UNC13C: variants seen among roughly 807,000 people sequenced by gnomAD.
The protein encoded by UNC13C is protein unc-13 homolog C.
A neutral mutation model predicts 245.4 loss-of-function variants in UNC13C; 174 were observed. The ratio of observed to expected loss-of-function variants is 0.71; its 90% confidence interval spans 0.63 to 0.80. UNC13C has a LOEUF of 0.80. UNC13C is among the 30% of genes least tolerant of loss of function. The probability of loss-of-function intolerance (pLI) is 0.00; values close to 1 mark genes in which losing one functional copy is unlikely to be tolerated. For missense variants in UNC13C, 2,829 were observed against 2,602.9 expected, an observed-to-expected ratio of 1.09 and a Z score of -1.89; for synonymous variants, 992 against 895.1, an observed-to-expected ratio of 1.11 and a Z score of -1.93.
At chr15:54,597,580 G>A (rs990578253) in intron 30 of UNC13C, among the ~76,000 whole-genome samples, 2 of 152,186 alleles carry the variant, frequency 1.3e-5, no homozygotes, top group Non-Finnish European at 2.9e-5. Flanking sequence ...AAAGGGGCAA[G>A]AGAGTACCCG....
chr15:54,460,654 G>C (rs1394391150), intron 19 of UNC13C, among the ~76,000 whole-genome samples: 1 of 152,220 alleles, frequency 6.6e-6, no homozygotes, highest in African/African-American at 2.4e-5. Context: ...GCTCCCAAGA[G>C]TTTACGTCCT....
chr15:54,611,636 G>T (rs2947001), intron 30 of UNC13C: 2 of 151,970 alleles, frequency 1.3e-5, no homozygotes, highest in African/African-American at 4.8e-5. Context: ...CTTTGAAACC[G>T]CTATGATTGT....
At chr15:54,124,645 A>G (rs1019788274) in intron 2 of UNC13C, among the ~76,000 whole-genome samples, 16 of 128,432 alleles carry the variant, frequency 1.2e-4, no homozygotes, top group Admixed American at 6.3e-4. Context: ...AAGTCCAAAT[A>G]ATTGATTCTT....
At position 54,333,996 on chromosome 15, in the gene UNC13C, G is replaced by C. The variant is rs1596238877; in HGVS notation, c.4584+140G>C. 3 of 577,582 alleles carry C rather than the reference G, an allele frequency of 5.2e-6. No homozygotes were observed. The Admixed American group carries it at 8.7e-5, about 17-fold the overall frequency. The allele number at this position is 577,582 out of a possible 1,614,324, so 35.8% of individuals were successfully genotyped here. On this transcript the variant is annotated intron_variant, in intron 16 of 32. Coordinates refer to ENST00000260323, the MANE Select transcript of UNC13C (RefSeq NM_001080534.3). ...AGCTGTACTATCTTTGCCTGAACTCGATGAATCTTCCAATATAAGGTATAG... is the reference window on the plus strand; with the variant it reads ...AGCTGTACTATCTTTGCCTGAACTCCATGAATCTTCCAATATAAGGTATAG...
At chr15:54,405,096 C>T (rs1349689753) in intron 18 of UNC13C, among the ~76,000 whole-genome samples, 2 of 152,082 alleles carry the variant, frequency 1.3e-5, no homozygotes, top group Non-Finnish European at 2.9e-5. Flanking sequence ...ATTGAGTACT[C>T]ACTATGTGCC....
chr15:54,085,531 A>G (rs73419197), intron 2 of UNC13C, among the ~76,000 whole-genome samples: 1,544 of 152,298 alleles, frequency 0.01, 41 homozygotes, highest in African/African-American at 0.035. Flanking sequence ...GCCTAGTAGA[A>G]ACAAATAAAT....
intron 24 of UNC13C, 87 bp from the exon 25 acceptor site, chr15:54,525,462 C>T: frequency 1.2e-6 from 1 of 831,114 alleles, no homozygotes; most frequent in Non-Finnish European, 1.8e-6. Flanking sequence ...TTTGAAGTTA[C>T]CATATAATAA....
At chr15:54,113,619 G>C (rs2029990769) in intron 2 of UNC13C, among the ~76,000 whole-genome samples, 2 of 152,074 alleles carry the variant, frequency 1.3e-5, no homozygotes, top group African/African-American at 4.8e-5. Context: ...GAAGTCAGGA[G>C]ATCAAGATCA....
chr15:54,038,124 A>ATATATAT, intron 2 of UNC13C, among the ~76,000 whole-genome samples: 8 of 45,042 alleles, frequency 1.8e-4, no homozygotes, highest in African/African-American at 7.4e-4. Flanking sequence ...ATATATATAT[A>ATATATAT]TTTTTTTTTT....
chr15:54,620,489 A>G (rs1288202070), intron 30 of UNC13C, among the ~76,000 whole-genome samples: 1 of 152,116 alleles, frequency 6.6e-6, no homozygotes, highest in East Asian at 1.9e-4. Context: ...GTACTTTGGG[A>G]TCTCCCAATC....
chr15:54,401,501 G>A (rs1351492708), intron 18 of UNC13C, among the ~76,000 whole-genome samples: 2 of 152,130 alleles, frequency 1.3e-5, no homozygotes, highest in Non-Finnish European at 1.5e-5. Flanking sequence ...AATACTAAGA[G>A]TGAATCGGCT....
chr15:54,296,992 C>CT (rs2037453383), intron 11 of UNC13C, among the ~76,000 whole-genome samples: 1 of 152,180 alleles, frequency 6.6e-6, no homozygotes, highest in African/African-American at 2.4e-5. Flanking sequence ...CAGTCCAGCA[C>CT]TTATAAGTTA....
intron 17 of UNC13C, among the ~76,000 whole-genome samples, chr15:54,383,698 G>C (rs1432313487): frequency 6.6e-6 from 1 of 151,982 alleles, no homozygotes. Context: ...ATAAGTAAAA[G>C]TCACCAAAAT....
chr15:54,364,763 G>C (rs2039324476), intron 17 of UNC13C, among the ~76,000 whole-genome samples: 1 of 152,132 alleles, frequency 6.6e-6, no homozygotes, highest in African/African-American at 2.4e-5. Flanking sequence ...CTTATTCAAT[G>C]TAATTTGTGT....
At chr15:54,126,147 A>G (rs530989586) in intron 2 of UNC13C, among the ~76,000 whole-genome samples, 1 of 152,342 alleles carries the variant, frequency 6.6e-6, no homozygotes, top group East Asian at 1.9e-4. Context: ...CAATAATTAC[A>G]TTAAATGGTG....
At chr15:54,316,403 T>C (rs1156687218) in intron 13 of UNC13C, among the ~76,000 whole-genome samples, 1 of 151,910 alleles carries the variant, frequency 6.6e-6, no homozygotes, top group African/African-American at 2.4e-5. Flanking sequence ...TCAAACTCTA[T>C]GCCACGCTTG....
At chr15:53,970,332 G>T in the UNC13C span, among the ~76,000 whole-genome samples, 1 of 152,174 alleles carries the variant, frequency 6.6e-6, no homozygotes, top group African/African-American at 2.4e-5. Flanking sequence ...GCTTCCCAAA[G>T]TGCTGGGATT....
intron 7 of UNC13C, among the ~76,000 whole-genome samples, chr15:54,239,570 C>A (rs996897518): frequency 6.6e-6 from 1 of 152,192 alleles, no homozygotes; most frequent in Non-Finnish European, 1.5e-5. Context: ...CTGGCCTCTG[C>A]CTTCTGGGTA....
chr15:54,176,922 A>G lies in UNC13C; in HGVS notation c.3071+33238A>G, dbSNP rs748815641. On this transcript the variant is annotated intron_variant, in intron 4 of 32. Transcript: ENST00000260323. ...AAAGACTCATCACATTAAGGTGAAA[A>G]TAGATTAATATTCTTTATCATGGGA... is the stretch of plus-strand genomic sequence containing the variant. Among the ~76,000 whole-genome samples, 64 of 152,214 alleles carry G rather than the reference A, an allele frequency of 4.2e-4. 1 individual carries two copies. The highest frequency in any genetic ancestry group is 9.8e-4 in the Admixed American group (15 of 15,288).
Sources: gnomAD v4.1 joint callset for allele counts (sites outside exome capture counted in the v4.1 genomes callset) on GRCh38, gnomAD v4.1.1 for gene constraint, MANE v1.5 for transcripts, NCBI Gene and HGNC (gene_info 2026-07-23, HGNC 2026-07-21) for gene names.